Variants in CCDC62 observed in about 807,000 individuals in gnomAD.
The protein encoded by CCDC62 is coiled-coil domain containing 62.
CCDC62 carries 72 observed loss-of-function variants against 80.8 expected under a neutral mutation model. The observed-to-expected ratio is 0.89, with a 90% CI of 0.74 to 1.08. The LOEUF (loss-of-function observed/expected upper bound fraction) is 1.08, where lower values mean the gene tolerates loss of function less well. CCDC62 is among the 50% of genes least tolerant of loss of function. The pLI is 0.00. For synonymous variants in CCDC62, 286 were observed against 296.5 expected (o/e 0.96, Z 0.36); for missense variants, 704 against 809.4 (o/e 0.87, Z 1.58).
At chr12:122,777,329 AT>A (rs1399906923) in intron 1 of CCDC62, 161 bp from the exon 2 acceptor site, 4 of 596,604 alleles carry the variant, frequency 6.7e-6, no homozygotes, top group African/African-American at 3.7e-5. Flanking sequence ...TAACTTGAAC[AT>A]GTTTTAAGTA....
chr12:122,774,897 G>A (rs1301801939), intron 1 of CCDC62, among the ~76,000 whole-genome samples, 191 bp downstream of exon 1: 4 of 151,542 alleles, frequency 2.6e-5, no homozygotes, highest in Admixed American at 2.0e-4. Context: ...AGACCATCCT[G>A]GCTAACACAG....
intron 10 of CCDC62, among the ~76,000 whole-genome samples, chr12:122,806,600 T>C (rs2031620237): frequency 6.6e-6 from 1 of 151,998 alleles, no homozygotes; most frequent in African/African-American, 2.4e-5. Context: ...TGCCTCAGCC[T>C]TCCAAGTAGC....
At chr12:122,787,525 G>A (rs1259061208) in intron 4 of CCDC62, among the ~76,000 whole-genome samples, 1 of 151,438 alleles carries the variant, frequency 6.6e-6, no homozygotes, top group African/African-American at 2.4e-5. Context: ...GCTGAGCCAG[G>A]CAGATCACAA....
At chr12:122,810,057 A>G (rs957919446) in intron 10 of CCDC62, among the ~76,000 whole-genome samples, 6 of 152,124 alleles carry the variant, frequency 3.9e-5, no homozygotes, top group Non-Finnish European at 8.8e-5. Flanking sequence ...ACCTAAAACC[A>G]TAAAAACCCT....
intron 8 of CCDC62, among the ~76,000 whole-genome samples, chr12:122,800,019 G>A (rs932517548): frequency 2.0e-5 from 3 of 151,850 alleles, no homozygotes; most frequent in Non-Finnish European, 2.9e-5. Context: ...TTTGAGATGG[G>A]GTCTTGCTCT....
chr12:122,811,810 G>C (rs1367777705), intron 10 of CCDC62, among the ~76,000 whole-genome samples: 11 of 96,090 alleles, frequency 1.1e-4, no homozygotes, highest in Non-Finnish European at 1.8e-4. Context: ...AACAGAGTGA[G>C]ACTCCATCTG....
chr12:122,808,490 A>G (rs2031720567), intron 10 of CCDC62, among the ~76,000 whole-genome samples: 1 of 151,984 alleles, frequency 6.6e-6, no homozygotes. Flanking sequence ...TAGGAATGGA[A>G]TGCTAGCTAG....
intron 8 of CCDC62, among the ~76,000 whole-genome samples, chr12:122,798,517 C>T (rs746307306): frequency 9.9e-5 from 15 of 152,120 alleles, no homozygotes; most frequent in East Asian, 1.9e-4. Flanking sequence ...GCACGAGAAT[C>T]GCTTGAACCT....
intron 11 of CCDC62, among the ~76,000 whole-genome samples, chr12:122,821,809 TTATAA>T (rs1264193691): frequency 3.9e-5 from 6 of 152,174 alleles, no homozygotes; most frequent in African/African-American, 1.2e-4. Context: ...TAGTGCAATG[TTATAA>T]TATGTATATA....
chr12:122,779,484 CAA>C (rs1413512525), intron 2 of CCDC62, among the ~76,000 whole-genome samples: 9,620 of 152,158 alleles, frequency 0.063, 1,045 homozygotes, highest in African/African-American at 0.22. Context: ...GATTCTGATA[CAA>C]TAGGTCTGGG....
chr12:122,779,724 A>G (rs1253393632), intron 2 of CCDC62, among the ~76,000 whole-genome samples: 4 of 151,976 alleles, frequency 2.6e-5, no homozygotes, highest in Non-Finnish European at 4.4e-5. Context: ...CCTGGCCAAC[A>G]TGGTGAAACC....
intron 2 of CCDC62, 96 bp from the exon 3 acceptor site, chr12:122,781,068 T>C: frequency 1.1e-6 from 1 of 903,578 alleles, no homozygotes; most frequent in South Asian, 1.7e-5. Flanking sequence ...TTTTTAAAAA[T>C]TCTCTACCAC....
intron 10 of CCDC62, among the ~76,000 whole-genome samples, chr12:122,808,501 C>G (rs4307760): frequency 0.84 from 128,054 of 151,938 alleles, 55,211 homozygotes; most frequent in East Asian, 0.99. Context: ...TGCTAGCTAG[C>G]TCATATGGTA....
chr12:122,806,255 G>C lies in CCDC62; in HGVS notation c.1811G>C (p.Ser604Thr). Residue 604 changes from serine (S) to threonine (T), a missense_variant, in exon 10 of 13, where the codon AGT becomes ACT. Physicochemically the swap from Ser to Thr is moderately conservative, Grantham distance 58. Transcript: ENST00000253079. ...TCCAATAAAAAGAACTCACCTACGA[G>C]TTTGTTAATCTACAAAGATGCACCA... ...SSSNKKNSPT[S>T]LLIYKDAPAF... 6.2e-7 allele frequency: 1 copy of C among 1,613,202 alleles called. No homozygotes were observed. The highest frequency in any genetic ancestry group is 8.5e-7 in the Non-Finnish European group (1 of 1,179,508).
chr12:122,787,814 A>G (rs547033541), intron 4 of CCDC62, among the ~76,000 whole-genome samples: 1 of 152,154 alleles, frequency 6.6e-6, no homozygotes, highest in African/African-American at 2.4e-5. Context: ...AATGGTTTCC[A>G]TTAGAAGCAG....
chr12:122,816,810 T>A (rs2032184374), intron 11 of CCDC62, among the ~76,000 whole-genome samples: 1 of 148,986 alleles, frequency 6.7e-6, no homozygotes, highest in Non-Finnish European at 1.5e-5. Flanking sequence ...GTGGTTTTTT[T>A]TAAATCATAT....
intron 2 of CCDC62, among the ~76,000 whole-genome samples, chr12:122,778,280 G>A (rs1425262064): frequency 6.6e-6 from 1 of 151,626 alleles, no homozygotes; most frequent in East Asian, 1.9e-4. Flanking sequence ...CTTGAACCCA[G>A]GAGGCGGAGG....
At chr12:122,810,706 AAGAC>A (rs1412568170) in intron 10 of CCDC62, among the ~76,000 whole-genome samples, 2 of 152,208 alleles carry the variant, frequency 1.3e-5, no homozygotes, top group Non-Finnish European at 2.9e-5. Flanking sequence ...TGCTGCTATA[AAGAC>A]ACGTGCACAC....
intron 5 of CCDC62, 129 bp downstream of exon 5, chr12:122,789,058 C>T: frequency 1.5e-6 from 1 of 662,902 alleles, no homozygotes; most frequent in Non-Finnish European, 2.4e-6. Context: ...GTGAAATATC[C>T]ATTTCATTTA....
Sources: allele counts gnomAD v4.1 joint callset (sites outside exome capture counted in the v4.1 genomes callset), GRCh38; gene constraint gnomAD v4.1.1; transcripts MANE v1.5; gene names NCBI Gene and HGNC (gene_info 2026-07-23, HGNC 2026-07-21).